SLC38A5: variants seen among roughly 807,000 people sequenced by gnomAD.
SLC38A5 encodes sodium-coupled neutral amino acid transporter 5.
Under a neutral mutation model 34.6 loss-of-function variants are expected in SLC38A5, and 9 were observed. The observed-to-expected ratio is 0.26, with a 90% CI of 0.16 to 0.45. The LOEUF is 0.45. Ranked by LOEUF, SLC38A5 falls within the 20% of genes least tolerant of loss-of-function variation. The pLI, the probability that SLC38A5 is intolerant of heterozygous loss-of-function variation, is 1.00. For missense variants in SLC38A5, 253 were observed against 394.7 expected (o/e 0.64, Z 3.04); for synonymous variants, 157 against 155.6 (o/e 1.01, Z -0.07).
chrX:48,466,030 T>C lies in SLC38A5; in HGVS notation c.476A>G (p.Tyr159Cys). ...ELPLVIGTFL[Y>C]MDPEGDWFLK... The stretch of plus-strand genomic sequence containing the variant: ...GCTCACTCACCCCTCGGGGTCCATG[T>C]ACAGGAAGGTGCCGATAACCAGGGG... The change falls in exon 8 of 17, where the codon TAC becomes TGC. Residue 159 changes from tyrosine to cysteine, a missense_variant. By Grantham distance (194) the Tyr-to-Cys change is radical. Coordinates refer to ENST00000620913, the MANE Select transcript of SLC38A5 (RefSeq NM_033518.4). 8.3e-7 allele frequency: 1 copy of C among 1,199,468 alleles called. No individual in the cohort carries two copies. Among genetic ancestry groups the C allele is most frequent in the Non-Finnish European group, 1.1e-6 (1 of 888,996 alleles).
At position 48,466,255 on chromosome X, in the gene SLC38A5, T is replaced by C. The variant is rs781929796; in HGVS notation, c.387A>G (p.Thr129=). The change falls in exon 7 of 17, where the codon ACA becomes ACG. Residue 129 remains threonine, a synonymous_variant. Coordinates refer to ENST00000620913, the MANE Select transcript of SLC38A5 (RefSeq NM_033518.4). ...CCCCAACATTGTGCAGACAGATGAC[T>C]GTGGCCACCACTACCTTCCCCGCAG... The part of the protein sequence containing the change: ...FGPAGKVVVA[T]VICLHNVGAM... 8.3e-7 allele frequency: 1 copy of C among 1,206,589 alleles called. No individual in the cohort carries two copies. The highest frequency in any genetic ancestry group is 2.2e-5 in the Admixed American group (1 of 45,595).
Position 48,458,676 on chromosome X carries a change from T to TCCTCCA in SLC38A5, c.*256_*257insTGGAGG. ...GGACCTGGCCTCCTCCTCCTCCTCC[T>TCCTCCA]CCTCCTCCTCCTCCTCCTCTTCTTC... On this transcript the variant is annotated 3_prime_UTR_variant, in exon 17 of 17. Coordinates refer to ENST00000620913, the MANE Select transcript of SLC38A5 (RefSeq NM_033518.4). 1.0e-6 allele frequency: 1 copy of TCCTCCA among 975,644 alleles called. No homozygotes were observed. Among genetic ancestry groups the TCCTCCA allele is most frequent in the Non-Finnish European group, 1.3e-6 (1 of 776,881 alleles). 80.4% of individuals were successfully genotyped at this position (975,644 alleles called of 1,213,427 possible).
intron 14 of SLC38A5, 84 bp from the exon 15 acceptor site, chrX:48,459,960 T>G (rs1480106300): frequency 9.1e-7 from 1 of 1,098,207 alleles, no homozygotes; most frequent in African/African-American, 1.9e-5. Flanking sequence ...AGCTCCACCC[T>G]CTGGCTGAGA....
In SLC38A5 at chrX:48,458,793, C is replaced by A; in HGVS notation, c.*140G>T. ...GGGAGGAGGGAAGTGGGCCAGTCTG[C>A]AGCCTCTGCTGTCCCCCGCCTCTGA... On this transcript the variant is annotated 3_prime_UTR_variant, in exon 17 of 17. Coordinates refer to ENST00000620913, the MANE Select transcript of SLC38A5 (RefSeq NM_033518.4). 9.2e-7 allele frequency: 1 copy of A among 1,081,988 alleles called. No homozygotes were observed. The highest frequency in any genetic ancestry group is 1.2e-6 in the Non-Finnish European group (1 of 831,581). The allele number at this position is 1,081,988 out of a possible 1,213,427, so 89.2% of individuals were successfully genotyped here.
chrX:48,466,213 C>T lies in SLC38A5; in HGVS notation c.412+17G>A. The T allele has an allele frequency of 8.4e-7, 1 of 1,192,307 alleles. No homozygotes were observed. Among genetic ancestry groups the T allele is most frequent in the South Asian group, 1.8e-5 (1 of 54,497 alleles). ...CCCTCTCCCCCCAAGCTGACCCCCACCTCCCAGAGTCCTCACCCCCAACAT... is the reference window on the plus strand; with the variant it reads ...CCCTCTCCCCCCAAGCTGACCCCCATCTCCCAGAGTCCTCACCCCCAACAT... On this transcript the variant is annotated intron_variant, in intron 7 of 16. Coordinates refer to ENST00000620913, the MANE Select transcript of SLC38A5 (RefSeq NM_033518.4).
intron 6 of SLC38A5, 49 bp downstream of exon 6, chrX:48,466,750 G>A (rs2061479865): frequency 1.8e-6 from 2 of 1,130,184 alleles, no homozygotes; most frequent in South Asian, 1.9e-5. Flanking sequence ...CCAGAGTCTG[G>A]GGTCCAAAGG....
Position 48,461,086 on chromosome X carries a change from C to G in SLC38A5, c.852G>C (p.Arg284=), listed in dbSNP as rs2061430948. 10 of 1,205,691 alleles carry G rather than the reference C, an allele frequency of 8.3e-6. No homozygotes were observed. The highest frequency in any genetic ancestry group is 1.0e-5 in the Non-Finnish European group (9 of 891,936). The change falls in exon 13 of 17, where the codon CGG becomes CGC. Residue 284 remains arginine (R), a splice_region_variant and synonymous_variant. Coordinates refer to ENST00000620913, the MANE Select transcript of SLC38A5 (RefSeq NM_033518.4). ...EVLPIYTELC[R]PSKRRMQAVA... ...CGGCCTGCATCCTGCGCTTGGAGGG[C>G]CTGAGGTGTAGAGGTCGTGGAACTG...
chrX:48,465,248 A>C (rs1232533170), intron 8 of SLC38A5, among the ~76,000 whole-genome samples: 1 of 111,707 alleles, frequency 9.0e-6, no homozygotes, highest in African/African-American at 3.3e-5. Context: ...ATGCATAATC[A>C]GAACAGTCCA....
chrX:48,461,175 C>G, intron 12 of SLC38A5, 89 bp from the exon 13 acceptor site: 1 of 783,035 alleles, frequency 1.3e-6, no homozygotes, highest in Non-Finnish European at 1.9e-6. Context: ...TCCAGAGTCC[C>G]CTTCTCCCAG....
intron 8 of SLC38A5, 105 bp downstream of exon 8, chrX:48,465,910 A>C: frequency 1.4e-6 from 1 of 716,567 alleles, no homozygotes; most frequent in East Asian, 3.6e-5. Flanking sequence ...GTCTCAAACT[A>C]GAACATCTGG....
intron 7 of SLC38A5, 29 bp from the exon 8 acceptor site, chrX:48,466,122 A>G: frequency 8.5e-7 from 1 of 1,179,141 alleles, no homozygotes; most frequent in East Asian, 3.0e-5. Flanking sequence ...GTGTAAGCAG[A>G]AGGATTCTCT....
At chrX:48,468,566 T>A in intron 2 of SLC38A5, 1 of 233,402 alleles carries the variant, frequency 4.3e-6, no homozygotes, top group Non-Finnish European at 6.1e-6. Flanking sequence ...CGCTGCAAAC[T>A]GCTCTCTGCC....
At chrX:48,468,454 C>A in intron 2 of SLC38A5, 1 of 738,716 alleles carries the variant, frequency 1.4e-6, no homozygotes, top group Non-Finnish European at 1.6e-6. Flanking sequence ...ATGCCCTCAC[C>A]CCCCTCCTTC....
Position 48,468,123 on chromosome X carries a change from A to G in SLC38A5, c.-1-198T>C. The G allele has an allele frequency of 4.2e-6, 4 of 962,561 alleles. No homozygotes were observed. In the South Asian group the frequency reaches 1.1e-4, roughly 26 times the overall value. The allele number at this position is 962,561 out of a possible 1,213,427, so 79.3% of individuals were successfully genotyped here. Reference sequence around the variant, plus strand: ...GAGAAAGAGATGAGAGAGAGAGAAGAACAAAAATCAGAGAAGGAGAGAAGC... The same window carrying G: ...GAGAAAGAGATGAGAGAGAGAGAAGGACAAAAATCAGAGAAGGAGAGAAGC... On this transcript the variant is annotated intron_variant, in intron 2 of 16. Coordinates refer to ENST00000620913, the MANE Select transcript of SLC38A5 (RefSeq NM_033518.4).
chrX:48,469,279 A>C (rs1399366656), intron 2 of SLC38A5, 56 bp downstream of exon 2: 3 of 109,001 alleles, frequency 2.8e-5, no homozygotes, highest in African/African-American at 1.0e-4. Flanking sequence ...ACCCCTACTC[A>C]TATCTCAGGC....
At chrX:48,459,903 A>G (rs2061423165) in intron 14 of SLC38A5, 27 bp from the exon 15 acceptor site, 4 of 1,189,825 alleles carry the variant, frequency 3.4e-6, no homozygotes, top group Non-Finnish European at 4.5e-6. Flanking sequence ...GTGGGACAGA[A>G]GTCAGGACCC....
chrX:48,463,044 A>C, intron 8 of SLC38A5, 64 bp from the exon 9 acceptor site: 6 of 906,954 alleles, frequency 6.6e-6, no homozygotes, highest in Non-Finnish European at 9.3e-6. Context: ...GCAGACACTC[A>C]CAGAAGACAG....
chrX:48,458,809 C>G lies in SLC38A5; in HGVS notation c.*124G>C. 1 of 1,093,402 alleles carries G rather than the reference C, an allele frequency of 9.1e-7. No homozygotes were observed. The highest frequency in any genetic ancestry group is 1.2e-6 in the Non-Finnish European group (1 of 836,669). 90.1% of individuals were successfully genotyped at this position (1,093,402 alleles called of 1,213,427 possible). A position where few individuals can be genotyped will look rare whatever the true frequency, so the allele number is the denominator to read the frequency against. ...GCCAGTCTGCAGCCTCTGCTGTCCC[C>G]CGCCTCTGACAACCACGTTCATGGG... On this transcript the variant is annotated 3_prime_UTR_variant, in exon 17 of 17. Coordinates refer to ENST00000620913, the MANE Select transcript of SLC38A5 (RefSeq NM_033518.4).
chrX:48,462,874 T>C (rs1556962222), intron 9 of SLC38A5, 24 bp downstream of exon 9: 1 of 1,172,916 alleles, frequency 8.5e-7, no homozygotes, highest in Admixed American at 2.3e-5. Context: ...CACTACCCAA[T>C]GGCCAACCCA....
Sources: gnomAD v4.1 joint callset for allele counts (sites outside exome capture counted in the v4.1 genomes callset) on GRCh38, gnomAD v4.1.1 for gene constraint, MANE v1.5 for transcripts, NCBI Gene and HGNC (gene_info 2026-07-23, HGNC 2026-07-21) for gene names.